The following TIAM1 variants were observed in gnomAD, a reference collection of about 807,000 sequenced individuals.
TIAM1 encodes TIAM Rac1 associated GEF 1, also known as rho guanine nucleotide exchange factor TIAM1.
In TIAM1, 65 loss-of-function variants were observed where a neutral mutation model predicts 163.5. The ratio of observed to expected loss-of-function variants is 0.40; its 90% CI spans 0.33 to 0.49. TIAM1 has a LOEUF of 0.49. TIAM1 is among the 20% of genes least tolerant of loss of function. The pLI, the probability that TIAM1 is intolerant of heterozygous loss-of-function variation, is 0.77. For synonymous variants in TIAM1, 833 were observed against 810.1 expected, an observed-to-expected ratio of 1.03 and a Z score of -0.48; for missense variants, 1,789 against 2,044.7, an observed-to-expected ratio of 0.87 and a Z score of 2.41.
intron 1 of TIAM1, among the ~76,000 whole-genome samples, chr21:31,488,623 G>A (rs1162682927): frequency 6.6e-6 from 1 of 152,158 alleles, no homozygotes; most frequent in Non-Finnish European, 1.5e-5. Context: ...GTCTTACATG[G>A]TGACGGGCAA....
intron 12 of TIAM1, among the ~76,000 whole-genome samples, chr21:31,197,633 T>C (rs2085944217): frequency 6.7e-6 from 1 of 149,248 alleles, no homozygotes; most frequent in Non-Finnish European, 1.5e-5. Flanking sequence ...CCTCCCAAAG[T>C]GCTGGGATTA....
chr21:31,329,186 T>G (rs1281828117), intron 2 of TIAM1, among the ~76,000 whole-genome samples: 1 of 152,216 alleles, frequency 6.6e-6, no homozygotes, highest in African/African-American at 2.4e-5. Flanking sequence ...ACAACATCTC[T>G]TGATATTGTC....
At chr21:31,447,412 G>C (rs1445044948) in intron 2 of TIAM1, among the ~76,000 whole-genome samples, 3 of 151,784 alleles carry the variant, frequency 2.0e-5, no homozygotes, top group Non-Finnish European at 4.4e-5. Context: ...CTCCAGCCTG[G>C]GCAACAGAGC....
chr21:31,548,376 A>C (rs4411797), intron 1 of TIAM1, among the ~76,000 whole-genome samples: 43,765 of 151,592 alleles, frequency 0.29, 6,478 homozygotes, highest in Middle Eastern at 0.43. Flanking sequence ...CCTGACCTCA[A>C]GTGATCTGAC....
intron 2 of TIAM1, among the ~76,000 whole-genome samples, chr21:31,421,889 C>T (rs899302426): frequency 6.6e-6 from 1 of 152,112 alleles, no homozygotes; most frequent in African/African-American, 2.4e-5. Flanking sequence ...ACTCGCGAGG[C>T]TGAAGCAGGA....
At chr21:31,165,138 G>C in intron 15 of TIAM1, 73 bp from the exon 16 acceptor site, 1 of 1,391,096 alleles carries the variant, frequency 7.2e-7, no homozygotes, top group Non-Finnish European at 1.0e-6. Context: ...CTGTGTGAGG[G>C]GGACAAGGAA....
At chr21:31,192,044 G>A (rs578247099) in intron 13 of TIAM1, among the ~76,000 whole-genome samples, 2 of 152,236 alleles carry the variant, frequency 1.3e-5, no homozygotes, top group South Asian at 2.1e-4. Flanking sequence ...TACTGAGGTC[G>A]GCTTTTTGCT....
intron 1 of TIAM1, among the ~76,000 whole-genome samples, chr21:31,468,323 G>GA (rs201469926): frequency 9.5e-5 from 14 of 146,722 alleles, no homozygotes; most frequent in African/African-American, 1.2e-4. Context: ...TGAAAAAATA[G>GA]AAAAAAAAAA....
At chr21:31,259,995 G>T (rs1473707913) in intron 4 of TIAM1, among the ~76,000 whole-genome samples, 1 of 151,592 alleles carries the variant, frequency 6.6e-6, no homozygotes, top group Non-Finnish European at 1.5e-5. Flanking sequence ...CTGGAGTGCA[G>T]TGGTGTGATC....
chr21:31,528,823 CAAATT>C (rs1449676047), intron 1 of TIAM1, among the ~76,000 whole-genome samples: 2 of 60,208 alleles, frequency 3.3e-5, no homozygotes, highest in African/African-American at 1.2e-4. Context: ...AATAAACAAA[CAAATT>C]AAAAAAAAAA....
chr21:31,135,510 G>C (rs970643177), intron 23 of TIAM1, among the ~76,000 whole-genome samples: 1 of 152,168 alleles, frequency 6.6e-6, no homozygotes, highest in Non-Finnish European at 1.5e-5. Flanking sequence ...AGACCAAACA[G>C]CAACAAAGTC....
At chr21:31,258,277 T>A (rs988018081) in intron 4 of TIAM1, among the ~76,000 whole-genome samples, 1 of 152,154 alleles carries the variant, frequency 6.6e-6, no homozygotes, top group African/African-American at 2.4e-5. Flanking sequence ...CTGAATGAAC[T>A]CACTGCTGCT....
intron 1 of TIAM1, among the ~76,000 whole-genome samples, chr21:31,490,901 C>T (rs944518665): frequency 1.3e-5 from 2 of 152,090 alleles, no homozygotes; most frequent in African/African-American, 4.8e-5. Flanking sequence ...CCAAGGTGGG[C>T]GGATCGCGAG....
intron 25 of TIAM1, 89 bp downstream of exon 25, chr21:31,130,124 A>T: frequency 4.0e-6 from 4 of 1,002,718 alleles, no homozygotes; most frequent in Non-Finnish European, 5.9e-6. Context: ...ACGGTAGAAG[A>T]GTTAGACCAA....
At chr21:31,522,705 T>G (rs552284980) in intron 1 of TIAM1, among the ~76,000 whole-genome samples, 6 of 152,150 alleles carry the variant, frequency 3.9e-5, no homozygotes, top group Non-Finnish European at 7.3e-5. Context: ...TCCACAACAC[T>G]TGTAAGGCCC....
Position 31,266,461 on chromosome 21 carries a change from T to G in TIAM1, c.512A>C (p.Lys171Thr), listed in dbSNP as rs1018266788. 6.2e-7 allele frequency: 1 copy of G among 1,614,224 alleles called. No individual in the cohort carries two copies. The change falls in exon 4 of 28, where the codon AAA becomes ACA. Residue 171 changes from lysine (K) to threonine (T), a missense_variant. Lys to Thr is a moderately conservative substitution (Grantham distance 78). Around this residue, in one of 5 missense-constraint regions of TIAM1, gnomAD observed 555 missense variants for 564.9 expected, o/e 0.98. Coordinates refer to ENST00000541036, the MANE Select transcript of TIAM1 (RefSeq NM_001353694.2). ...ETASFKKKRS[K>T]SADIWREDSL... ...GTCCTCCCGCCAGATGTCTGCAGATTTGGAGCGTTTCTTCTTAAAGCTCGC... is the reference window on the plus strand; with the variant it reads ...GTCCTCCCGCCAGATGTCTGCAGATGTGGAGCGTTTCTTCTTAAAGCTCGC...
At chr21:31,242,621 C>T (rs1302000528) in intron 6 of TIAM1, among the ~76,000 whole-genome samples, 1 of 152,100 alleles carries the variant, frequency 6.6e-6, no homozygotes, top group East Asian at 1.9e-4. Flanking sequence ...TGCTTCTGTA[C>T]ATTTAAGGAA....
intron 1 of TIAM1, among the ~76,000 whole-genome samples, chr21:31,465,738 T>G (rs927264660): frequency 6.6e-6 from 1 of 152,146 alleles, no homozygotes; most frequent in Non-Finnish European, 1.5e-5. Flanking sequence ...GCCCAGCGAA[T>G]TTTTTGTATT....
chr21:31,216,753 A>C (rs1386187507), intron 9 of TIAM1, among the ~76,000 whole-genome samples: 1 of 152,022 alleles, frequency 6.6e-6, no homozygotes, highest in East Asian at 1.9e-4. Flanking sequence ...ACCTGAGCAG[A>C]AGGGGGCTGT....
Sources: allele counts gnomAD v4.1 joint callset (sites outside exome capture counted in the v4.1 genomes callset), GRCh38; gene constraint gnomAD v4.1.1; regional missense constraint gnomAD v4.1.1; transcripts MANE v1.5; gene names NCBI Gene and HGNC (gene_info 2026-07-23, HGNC 2026-07-21).